Variants in CACNB2 observed in about 807,000 individuals in gnomAD.
CACNB2 encodes the protein voltage-dependent L-type calcium channel subunit beta-2.
CACNB2 carries 42 observed loss-of-function variants against 73.3 expected under a neutral mutation model. The observed-to-expected ratio is 0.57, with a 90% CI of 0.45 to 0.74. The LOEUF is 0.74. CACNB2 is among the 30% of genes least tolerant of loss of function. The pLI, the probability that CACNB2 is intolerant of heterozygous loss-of-function variation, is 0.00. For synonymous variants in CACNB2, 348 were observed against 310.3 expected, an observed-to-expected ratio of 1.12 and a Z score of -1.28; for missense variants, 940 against 853.0, an observed-to-expected ratio of 1.10 and a Z score of -1.27.
At position 18,495,997 on chromosome 10, in the gene CACNB2, C is replaced by A. The variant is rs577508492; in HGVS notation, c.334-2358C>A. ...TGGATGTCATTCGAGACCAGCCTGG[C>A]CAATATGGTGAAACTCCATCTCTAC... On this transcript the variant is annotated intron_variant, in intron 3 of 13. Coordinates refer to ENST00000324631, the MANE Select transcript of CACNB2 (RefSeq NM_201596.3). Among the ~76,000 whole-genome samples, 230 of 151,938 alleles carry A rather than the reference C, an allele frequency of 1.5e-3. 1 individual carries two copies. Among genetic ancestry groups the A allele is most frequent in the African/African-American group, 5.4e-3 (224 of 41,448 alleles).
intron 2 of CACNB2, among the ~76,000 whole-genome samples, chr10:18,347,561 T>A (rs1214303111): frequency 6.6e-6 from 1 of 151,656 alleles, no homozygotes; most frequent in Admixed American, 6.6e-5. Context: ...TCTAGGCTTT[T>A]TTTTTTCCCC....
chr10:18,195,773 C>T (rs922162029), intron 2 of CACNB2, among the ~76,000 whole-genome samples: 1 of 152,154 alleles, frequency 6.6e-6, no homozygotes, highest in Non-Finnish European at 1.5e-5. Context: ...GTCCATTTCT[C>T]CTTGAGTTGT....
chr10:18,323,645 G>T (rs751250561), intron 2 of CACNB2, among the ~76,000 whole-genome samples: 1 of 152,122 alleles, frequency 6.6e-6, no homozygotes, highest in Non-Finnish European at 1.5e-5. Flanking sequence ...TCCCCAGAAT[G>T]GATCTCAATG....
chr10:18,531,225 A>C (rs191440125), intron 10 of CACNB2, among the ~76,000 whole-genome samples: 81 of 152,272 alleles, frequency 5.3e-4, no homozygotes, highest in Admixed American at 1.6e-3. Context: ...TGATTACAGA[A>C]ACCTCCTTCT....
At chr10:18,338,720 G>T (rs1156607594) in intron 2 of CACNB2, among the ~76,000 whole-genome samples, 8 of 120,432 alleles carry the variant, frequency 6.6e-5, no homozygotes, top group Admixed American at 9.3e-5. Context: ...CTGCCTTCCT[G>T]CCTTCTTTCC....
chr10:18,318,228 T>C (rs2040266884), intron 2 of CACNB2, among the ~76,000 whole-genome samples: 1 of 152,156 alleles, frequency 6.6e-6, no homozygotes, highest in Non-Finnish European at 1.5e-5. Flanking sequence ...CAAGCTACAC[T>C]ACAAGGCTGC....
At chr10:18,317,335 A>G (rs1316816485) in intron 2 of CACNB2, among the ~76,000 whole-genome samples, 1 of 151,922 alleles carries the variant, frequency 6.6e-6, no homozygotes, top group African/African-American at 2.4e-5. Context: ...GCTTCTAAAG[A>G]TCCCATTGCC....
intron 3 of CACNB2, among the ~76,000 whole-genome samples, chr10:18,410,565 G>C (rs2044563713): frequency 6.6e-6 from 1 of 152,074 alleles, no homozygotes; most frequent in Non-Finnish European, 1.5e-5. Flanking sequence ...TTATATGGGA[G>C]GTAGGAGAGA....
chr10:18,196,482 A>G (rs138470037), intron 2 of CACNB2, among the ~76,000 whole-genome samples: 1 of 151,888 alleles, frequency 6.6e-6, no homozygotes, highest in Non-Finnish European at 1.5e-5. Context: ...ATGCCTGGCT[A>G]AATTTTTGAA....
chr10:18,366,065 G>T (rs146769519), intron 2 of CACNB2, among the ~76,000 whole-genome samples: 1 of 152,066 alleles, frequency 6.6e-6, no homozygotes, highest in Admixed American at 6.6e-5. Context: ...GTTCATTAGG[G>T]TTCTTTTCCC....
chr10:18,189,049 A>G (rs1481542011), intron 2 of CACNB2, among the ~76,000 whole-genome samples: 1 of 151,042 alleles, frequency 6.6e-6, no homozygotes, highest in Non-Finnish European at 1.5e-5. Flanking sequence ...GCAGCCTCCA[A>G]CTCCTGGGCT....
chr10:18,464,418 T>TAAAATAAA (rs1554824204), intron 3 of CACNB2, among the ~76,000 whole-genome samples: 21 of 85,286 alleles, frequency 2.5e-4, no homozygotes, highest in Non-Finnish European at 3.9e-4. Flanking sequence ...TCTCAAAAAT[T>TAAAATAAA]AAAAAAAAAA....
At chr10:18,481,209 TA>T (rs2048722391) in intron 3 of CACNB2, among the ~76,000 whole-genome samples, 4 of 10,940 alleles carry the variant, frequency 3.7e-4, no homozygotes, top group Non-Finnish European at 5.6e-4. Context: ...TATATATATA[TA>T]TATATATATA....
intron 2 of CACNB2, among the ~76,000 whole-genome samples, chr10:18,345,549 A>G (rs1387189455): frequency 6.6e-6 from 1 of 152,148 alleles, no homozygotes; most frequent in African/African-American, 2.4e-5. Flanking sequence ...CTGTCTCTGT[A>G]TGGGGGAGCT....
intron 3 of CACNB2, among the ~76,000 whole-genome samples, chr10:18,494,670 A>T (rs942835384): frequency 6.6e-6 from 1 of 151,332 alleles, no homozygotes; most frequent in Non-Finnish European, 1.5e-5. Flanking sequence ...GAAACATCTG[A>T]AAGATGTGAA....
chr10:18,370,763 T>G (rs1406691591), intron 2 of CACNB2, among the ~76,000 whole-genome samples: 1 of 152,234 alleles, frequency 6.6e-6, no homozygotes. Context: ...ATCATAATTT[T>G]TAAAGTACTC....
intron 2 of CACNB2, among the ~76,000 whole-genome samples, chr10:18,299,935 T>C (rs969588093): frequency 3.3e-5 from 5 of 152,140 alleles, no homozygotes; most frequent in Admixed American, 1.3e-4. Context: ...GGAACATCTA[T>C]AGTCAGTCTC....
At chr10:18,480,110 A>G (rs1469839495) in intron 3 of CACNB2, among the ~76,000 whole-genome samples, 4 of 152,228 alleles carry the variant, frequency 2.6e-5, no homozygotes, top group Non-Finnish European at 4.4e-5. Flanking sequence ...CTTTCAAAAA[A>G]TGAATTTTAA....
intron 2 of CACNB2, among the ~76,000 whole-genome samples, chr10:18,378,635 C>T (rs916028172): frequency 6.6e-6 from 1 of 152,050 alleles, no homozygotes; most frequent in African/African-American, 2.4e-5. Context: ...TCTGTGATCC[C>T]AGCTACTCGG....
Sources: gnomAD v4.1 joint callset for allele counts (sites outside exome capture counted in the v4.1 genomes callset) on GRCh38, gnomAD v4.1.1 for gene constraint, MANE v1.5 for transcripts, NCBI Gene and HGNC (gene_info 2026-07-23, HGNC 2026-07-21) for gene names.